Variants in AK7 observed in about 807,000 individuals in gnomAD.
AK7 encodes adenylate kinase 7.
Under a neutral mutation model 96.6 loss-of-function variants are expected in AK7, and 78 were observed. The observed-to-expected ratio is 0.81, with a 90% CI of 0.67 to 0.97. The LOEUF is 0.97. Among genes scored for constraint, AK7 ranks in the 50% least tolerant of loss-of-function variants. AK7 has a pLI of 0.00. For missense variants in AK7, 855 were observed against 887.9 expected (o/e 0.96, Z 0.47); for synonymous variants, 302 against 317.2 (o/e 0.95, Z 0.51).
chr14:96,471,363 G>T, intron 12 of AK7, 115 bp from the exon 13 acceptor site: 6 of 475,076 alleles, frequency 1.3e-5, no homozygotes, highest in African/African-American at 2.1e-5. Flanking sequence ...AAGCAAAATA[G>T]GGATTTCCAA....
At chr14:96,441,072 C>T (rs552676807) in intron 6 of AK7, among the ~76,000 whole-genome samples, 303 of 152,014 alleles carry the variant, frequency 2.0e-3, no homozygotes, top group African/African-American at 7.0e-3. Flanking sequence ...ATCAGCTGTT[C>T]GACATGAGGG....
At chr14:96,444,347 C>T (rs1390325635) in intron 7 of AK7, among the ~76,000 whole-genome samples, 1 of 152,110 alleles carries the variant, frequency 6.6e-6, no homozygotes. Context: ...ACTTACTTGG[C>T]ATTAATCCTT....
In AK7 at chr14:96,442,828, C is replaced by T. The variant is rs761854868; in HGVS notation, c.779+10C>T. 139 of 1,609,240 alleles carry T rather than the reference C, an allele frequency of 8.6e-5. No homozygotes were observed. The highest frequency in any genetic ancestry group is 1.0e-4 in the Non-Finnish European group (123 of 1,175,690). On this transcript the variant is annotated intron_variant, in intron 7 of 17. Transcript: ENST00000267584. Reference sequence around the variant, plus strand: ...TTCTTGATCTAGCAGGGTAAGCATTCGCCCAGAGACGTGACCTTCACAGAA... The same window carrying T: ...TTCTTGATCTAGCAGGGTAAGCATTTGCCCAGAGACGTGACCTTCACAGAA...
chr14:96,449,524 C>T (rs1184604561), intron 8 of AK7, among the ~76,000 whole-genome samples: 1 of 152,208 alleles, frequency 6.6e-6, no homozygotes, highest in African/African-American at 2.4e-5. Flanking sequence ...ACCTCTGTCT[C>T]TCAGGTTCAA....
At chr14:96,436,010 A>G (rs1404840818) in intron 5 of AK7, among the ~76,000 whole-genome samples, 2 of 152,022 alleles carry the variant, frequency 1.3e-5, no homozygotes, top group Non-Finnish European at 2.9e-5. Flanking sequence ...TTTGGTTCTT[A>G]TGAAGCTGTT....
chr14:96,478,697 A>G, intron 15 of AK7, 35 bp downstream of exon 15: 1 of 1,601,910 alleles, frequency 6.2e-7, no homozygotes, highest in Non-Finnish European at 8.5e-7. Context: ...GTGAATGTCC[A>G]GGACCCCCAG....
intron 12 of AK7, among the ~76,000 whole-genome samples, chr14:96,468,642 T>C (rs1894717158): frequency 6.6e-6 from 1 of 152,084 alleles, no homozygotes; most frequent in South Asian, 2.1e-4. Flanking sequence ...TTGGTCATCA[T>C]CAGTTAAGAC....
At chr14:96,402,185 G>GCA (rs34222287) in intron 2 of AK7, among the ~76,000 whole-genome samples, 10,822 of 146,158 alleles carry the variant, frequency 0.074, 419 homozygotes, top group African/African-American at 0.096. Context: ...ATACACAGAT[G>GCA]CACACACACA....
Position 96,487,303 on chromosome 14 carries a change from G to C in AK7, c.2133+247G>C, listed in dbSNP as rs539777562. ...GGAAGCTGAGGCAGGAGAATCGCTT[G>C]AACCCTGGAGGTGGAGGTTGCAGTG... On this transcript the variant is annotated intron_variant, in intron 17 of 17. Transcript: ENST00000267584. Among the ~76,000 whole-genome samples the C allele has an allele frequency of 2.6e-3, 357 of 136,470 alleles. 1 individual carries two copies. Among genetic ancestry groups the C allele is most frequent in the Non-Finnish European group, 2.7e-3 (175 of 65,214 alleles). The allele number at this position is 136,470 out of a possible 152,430, so 89.5% of individuals were successfully genotyped here.
intron 2 of AK7, among the ~76,000 whole-genome samples, chr14:96,401,045 G>T (rs1248519689): frequency 6.6e-6 from 1 of 152,170 alleles, no homozygotes; most frequent in Admixed American, 6.5e-5. Context: ...ACACCTCTCT[G>T]TCAGGTGTCC....
At chr14:96,405,755 C>G (rs1355836975) in intron 3 of AK7, among the ~76,000 whole-genome samples, 1 of 152,164 alleles carries the variant, frequency 6.6e-6, no homozygotes, top group Non-Finnish European at 1.5e-5. Flanking sequence ...CAAATGTTCC[C>G]TGATGCCAAA....
chr14:96,458,742 C>CAAA (rs1010974357), intron 12 of AK7, among the ~76,000 whole-genome samples: 10 of 89,922 alleles, frequency 1.1e-4, no homozygotes, highest in African/African-American at 4.4e-4. Flanking sequence ...AACTCTGTCT[C>CAAA]AAAAAAAAAA....
Position 96,404,882 on chromosome 14 carries a change from CTTT to C in AK7, c.403+19_403+21del. 6.4e-7 allele frequency: 1 copy of C among 1,558,988 alleles called. No individual in the cohort carries two copies. Among genetic ancestry groups the C allele is most frequent in the Non-Finnish European group, 8.8e-7 (1 of 1,133,138 alleles). On this transcript the variant is annotated intron_variant, in intron 3 of 17. Coordinates refer to ENST00000267584, the MANE Select transcript of AK7 (RefSeq NM_152327.5). The stretch of plus-strand genomic sequence containing the variant: ...CAGTCTCTGGTCAGTGAGGTGTACT[CTTT>C]TATCTCCAGGGATGCTATTGTAGTG...
At chr14:96,407,816 C>T (rs188866624) in intron 3 of AK7, among the ~76,000 whole-genome samples, 153 of 152,046 alleles carry the variant, frequency 1.0e-3, no homozygotes, top group African/African-American at 3.4e-3. Context: ...CTCCTGACCT[C>T]GTGATCCGCC....
intron 11 of AK7, chr14:96,456,914 G>A (rs1160875292): frequency 5.1e-6 from 1 of 197,590 alleles, no homozygotes; most frequent in Non-Finnish European, 1.1e-5. Context: ...ACACCAGAAG[G>A]TGGATGACGT....
intron 10 of AK7, 76 bp from the exon 11 acceptor site, chr14:96,456,271 T>G: frequency 2.2e-4 from 163 of 755,840 alleles, no homozygotes; most frequent in Non-Finnish European, 2.9e-4. Context: ...AGCACTCCCC[T>G]GAAATAAAAA....
intron 12 of AK7, among the ~76,000 whole-genome samples, chr14:96,468,122 G>T (rs1204337345): frequency 6.7e-6 from 1 of 148,430 alleles, no homozygotes; most frequent in African/African-American, 2.5e-5. Context: ...GGTGTGCGAG[G>T]CACTAGGATT....
intron 12 of AK7, among the ~76,000 whole-genome samples, chr14:96,461,008 G>T (rs960950999): frequency 6.6e-6 from 1 of 152,188 alleles, no homozygotes; most frequent in Non-Finnish European, 1.5e-5. Context: ...CTGAGTCTTG[G>T]TTTCTGCTTC....
chr14:96,485,046 A>C (rs2140183082), intron 16 of AK7, among the ~76,000 whole-genome samples: 1 of 152,324 alleles, frequency 6.6e-6, no homozygotes, highest in East Asian at 1.9e-4. Context: ...ACATGGTTTG[A>C]GTTTTGATAC....
Sources: allele counts gnomAD v4.1 joint callset (sites outside exome capture counted in the v4.1 genomes callset), GRCh38; gene constraint gnomAD v4.1.1; transcripts MANE v1.5; gene names NCBI Gene and HGNC (gene_info 2026-07-23, HGNC 2026-07-21).